MYBL1: variants seen among roughly 807,000 people sequenced by gnomAD.
MYBL1 encodes MYB proto-oncogene like 1.
MYBL1 carries 17 observed loss-of-function variants against 96.3 expected under a neutral mutation model. That is an observed-to-expected ratio of 0.18 (90% CI 0.12 to 0.26). The LOEUF (loss-of-function observed/expected upper bound fraction) is 0.26. Among genes scored for constraint, MYBL1 ranks in the 10% least tolerant of loss-of-function variants. MYBL1 has a pLI of 1.00. For missense variants in MYBL1, 701 were observed against 882.9 expected, an observed-to-expected ratio of 0.79 and a Z score of 2.61; for synonymous variants, 282 against 292.7, an observed-to-expected ratio of 0.96 and a Z score of 0.37.
chr8:66,606,021 A>G (rs1484288936), intron 1 of MYBL1, among the ~76,000 whole-genome samples: 1 of 152,192 alleles, frequency 6.6e-6, no homozygotes, highest in South Asian at 2.1e-4. Context: ...TGACTCAGAA[A>G]TGTAACCTCT....
chr8:66,593,744 G>C (rs1273586829), intron 6 of MYBL1, among the ~76,000 whole-genome samples: 1 of 152,100 alleles, frequency 6.6e-6, no homozygotes, highest in East Asian at 1.9e-4. Flanking sequence ...GTATCATTCT[G>C]CTTCTTTTCT....
rs1173360560 is a variant in MYBL1 at position 66,562,929 on chromosome 8, T to G, written c.*1768A>C. On this transcript the variant is annotated 3_prime_UTR_variant, in exon 16 of 16. Coordinates refer to ENST00000522677, the MANE Select transcript of MYBL1 (RefSeq NM_001080416.4). ...CACTATATATATATATAAATATATA[T>G]ATATATAAAATATGCAAAAACTAGC... The G allele has an allele frequency of 6.7e-6, 1 of 148,598 alleles. No homozygotes were observed. Among genetic ancestry groups the G allele is most frequent in the African/African-American group, 2.4e-5 (1 of 40,890 alleles). 9.2% of individuals were successfully genotyped at this position (148,598 alleles called of 1,614,324 possible). A position where few individuals can be genotyped will look rare whatever the true frequency, so the allele number is the denominator to read the frequency against.
At chr8:66,591,537 C>A (rs1809645904) in intron 8 of MYBL1, among the ~76,000 whole-genome samples, 1 of 152,026 alleles carries the variant, frequency 6.6e-6, no homozygotes, top group Non-Finnish European at 1.5e-5. Context: ...CATGTGGTAA[C>A]CAACACCCAA....
chr8:66,576,833 T>C (rs373030970), intron 9 of MYBL1, among the ~76,000 whole-genome samples: 35 of 152,294 alleles, frequency 2.3e-4, no homozygotes, highest in African/African-American at 7.0e-4. Context: ...CAAAGCTTTA[T>C]ATGTTATCTG....
chr8:66,585,389 T>C (rs975962619), intron 8 of MYBL1, among the ~76,000 whole-genome samples: 9 of 151,934 alleles, frequency 5.9e-5, no homozygotes, highest in Non-Finnish European at 8.8e-5. Context: ...AAGAAGAAAA[T>C]CAATTCAAAA....
At chr8:66,587,005 A>T (rs974954597) in intron 8 of MYBL1, among the ~76,000 whole-genome samples, 1 of 152,196 alleles carries the variant, frequency 6.6e-6, no homozygotes, top group Non-Finnish European at 1.5e-5. Context: ...TCATAGAAGT[A>T]TAGAGAAGAA....
intron 8 of MYBL1, among the ~76,000 whole-genome samples, chr8:66,591,051 T>C (rs778992381): frequency 1.3e-5 from 2 of 152,176 alleles, no homozygotes; most frequent in Non-Finnish European, 2.9e-5. Flanking sequence ...TATTTCCCAA[T>C]TTAAAAATTT....
chr8:66,610,610 A>G (rs543751359), intron 1 of MYBL1, among the ~76,000 whole-genome samples: 1 of 152,204 alleles, frequency 6.6e-6, no homozygotes, highest in East Asian at 1.9e-4. Context: ...ATATTAAGAT[A>G]CTTAGGTAAA....
chr8:66,613,022 C>T lies in MYBL1; in HGVS notation c.-184G>A. 3 of 556,762 alleles carry T rather than the reference C, an allele frequency of 5.4e-6. No homozygotes were observed. Among genetic ancestry groups the T allele is most frequent in the Non-Finnish European group, 8.2e-6 (3 of 366,254 alleles). 34.5% of individuals were successfully genotyped at this position (556,762 alleles called of 1,614,324 possible). A position where few individuals can be genotyped will look rare whatever the true frequency, so the allele number is the denominator to read the frequency against. Reference sequence around the variant, plus strand: ...GGGACAGCGGGGGCGGACCGCGACCCGACCCCGACCCCGGCCCGCAGCGCC... The same window carrying T: ...GGGACAGCGGGGGCGGACCGCGACCTGACCCCGACCCCGGCCCGCAGCGCC... On this transcript the variant is annotated 5_prime_UTR_variant, in exon 1 of 16. Coordinates refer to ENST00000522677, the MANE Select transcript of MYBL1 (RefSeq NM_001080416.4).
At chr8:66,607,040 A>G (rs550447986) in intron 1 of MYBL1, among the ~76,000 whole-genome samples, 133 of 152,036 alleles carry the variant, frequency 8.7e-4, no homozygotes, top group African/African-American at 3.0e-3. Flanking sequence ...TGATCCGCCA[A>G]CCTTGGCCTC....
chr8:66,573,558 C>T (rs1808821136), intron 10 of MYBL1, 52 bp from the exon 11 acceptor site: 8 of 1,426,356 alleles, frequency 5.6e-6, no homozygotes, highest in South Asian at 1.5e-5. Flanking sequence ...AAAATCCCTA[C>T]ACAAATATTA....
At chr8:66,570,492 C>T (rs1000634741) in intron 12 of MYBL1, among the ~76,000 whole-genome samples, 1 of 151,994 alleles carries the variant, frequency 6.6e-6, no homozygotes, top group Non-Finnish European at 1.5e-5. Flanking sequence ...TATATGTTCA[C>T]CAAATGACCC....
intron 1 of MYBL1, among the ~76,000 whole-genome samples, chr8:66,608,741 C>T (rs1403854918): frequency 1.3e-5 from 2 of 152,062 alleles, no homozygotes; most frequent in South Asian, 4.1e-4. Flanking sequence ...ACAATCAATG[C>T]TGGTAATATG....
At chr8:66,576,936 TA>T (rs958869087) in intron 9 of MYBL1, among the ~76,000 whole-genome samples, 1 of 152,218 alleles carries the variant, frequency 6.6e-6, no homozygotes, top group African/African-American at 2.4e-5. Context: ...CGCAAATCAA[TA>T]AATGTAATCC....
intron 8 of MYBL1, among the ~76,000 whole-genome samples, chr8:66,589,009 A>G (rs1809530798): frequency 6.6e-6 from 1 of 152,028 alleles, no homozygotes; most frequent in Non-Finnish European, 1.5e-5. Flanking sequence ...ACAGTGTAAG[A>G]CTCCAACACA....
intron 5 of MYBL1, among the ~76,000 whole-genome samples, chr8:66,596,171 G>C (rs1022256858): frequency 1.3e-5 from 2 of 152,242 alleles, no homozygotes; most frequent in South Asian, 4.1e-4. Context: ...GAACAAACCA[G>C]CTATACGAGA....
intron 8 of MYBL1, among the ~76,000 whole-genome samples, chr8:66,589,874 A>C (rs1233768431): frequency 6.6e-6 from 1 of 152,220 alleles, no homozygotes; most frequent in Admixed American, 6.5e-5. Flanking sequence ...GTTTCAAAAC[A>C]GAAACTGCAA....
At chr8:66,578,057 T>G (rs1404312288) in intron 9 of MYBL1, among the ~76,000 whole-genome samples, 1 of 152,132 alleles carries the variant, frequency 6.6e-6, no homozygotes, top group Non-Finnish European at 1.5e-5. Flanking sequence ...ATCCCTTCCT[T>G]ACACCTTATA....
intron 12 of MYBL1, among the ~76,000 whole-genome samples, chr8:66,568,663 AACTTTT>A (rs1335931856): frequency 2.0e-5 from 3 of 152,126 alleles, no homozygotes; most frequent in African/African-American, 7.2e-5. Flanking sequence ...TTTTCAAATT[AACTTTT>A]AAGTTCAGGG....
Sources: gnomAD v4.1 joint callset for allele counts (sites outside exome capture counted in the v4.1 genomes callset) on GRCh38, gnomAD v4.1.1 for gene constraint, MANE v1.5 for transcripts, NCBI Gene and HGNC (gene_info 2026-07-23, HGNC 2026-07-21) for gene names.